VPS37A: variants seen among roughly 807,000 people sequenced by gnomAD.
VPS37A encodes the protein VPS37A subunit of ESCRT-I.
A neutral mutation model predicts 49.8 loss-of-function variants in VPS37A; 30 were observed. That is an observed-to-expected ratio of 0.60 (90% CI 0.45 to 0.82). The LOEUF (loss-of-function observed/expected upper bound fraction) is 0.82, where lower values mean the gene tolerates loss of function less well. VPS37A is among the 40% of genes least tolerant of loss of function. The pLI, the probability that VPS37A is intolerant of heterozygous loss-of-function variation, is 0.00. For synonymous variants in VPS37A, 195 were observed against 160.6 expected, an observed-to-expected ratio of 1.21 and a Z score of -1.62; for missense variants, 593 against 464.4, an observed-to-expected ratio of 1.28 and a Z score of -2.55.
At chr8:17,319,165 C>T in the VPS37A span, among the ~76,000 whole-genome samples, 2 of 152,216 alleles carry the variant, frequency 1.3e-5, no homozygotes, top group East Asian at 3.9e-4. Flanking sequence ...CAGAGGCAGA[C>T]ACAGCTGCAC....
rs74765669 is a variant in VPS37A, at chr8:17,278,605, G to C, written c.714-1423G>C. Among the ~76,000 whole-genome samples, 106 of 152,164 alleles carry C rather than the reference G, an allele frequency of 7.0e-4. 2 individuals are homozygous for C. The East Asian group carries it at 0.018, about 26-fold the overall frequency. On this transcript the variant is annotated intron_variant, in intron 6 of 11. Transcript: ENST00000324849. ...ATGAACATTTCTTCTCCCAGACCTA[G>C]AGTCAGCCATTTCTCTGAAGGGTGC...
chr8:17,274,828 C>G lies in VPS37A; in HGVS notation c.512C>G (p.Thr171Ser), dbSNP rs200401367. 227 of 1,614,032 alleles carry G rather than the reference C, an allele frequency of 1.4e-4. No individual in the cohort carries two copies. Among genetic ancestry groups the G allele is most frequent in the Non-Finnish European group, 1.8e-4 (210 of 1,180,030 alleles). The change falls in exon 5 of 12, where the codon ACT becomes AGT. Residue 171 changes from threonine (T) to serine (S), a missense_variant. Thr to Ser is a moderately conservative substitution (Grantham distance 58). Transcript: ENST00000324849. ...YPPQEANRSITSLSVADTVSS... is the reference protein window; with the variant it reads ...YPPQEANRSISSLSVADTVSS... Reference sequence around the variant, plus strand: ...CCACAAGAAGCAAACAGGAGTATCACTTCTTTATCTGTTGCTGACACTGTT... The same window carrying G: ...CCACAAGAAGCAAACAGGAGTATCAGTTCTTTATCTGTTGCTGACACTGTT...
At chr8:17,276,768 T>A (rs1442785937) in intron 6 of VPS37A, among the ~76,000 whole-genome samples, 2 of 152,136 alleles carry the variant, frequency 1.3e-5, no homozygotes, top group African/African-American at 4.8e-5. Context: ...GAATACATTA[T>A]TCCTGACAAT....
intron 11 of VPS37A, 37 bp from the exon 12 acceptor site, chr8:17,294,950 T>A (rs939573875): frequency 3.9e-5 from 6 of 152,342 alleles, no homozygotes; most frequent in Non-Finnish European, 7.3e-5. Context: ...TTCATCTTCT[T>A]AAATATTAGA....
At chr8:17,303,655 G>C (rs1024785599), downstream of VPS37A, among the ~76,000 whole-genome samples, 2 of 150,030 alleles carry the variant, frequency 1.3e-5, no homozygotes, top group African/African-American at 2.5e-5. Context: ...TGTTGCCCAG[G>C]CTGGAGTGCA....
At chr8:17,247,679 C>G (rs1024394338) in intron 1 of VPS37A, 5 of 702,978 alleles carry the variant, frequency 7.1e-6, no homozygotes, top group African/African-American at 5.2e-5. Context: ...CCCTTGCTGC[C>G]CAGGCTTCGC....
At chr8:17,271,987 C>T (rs1217163541) in intron 4 of VPS37A, 1 of 456,616 alleles carries the variant, frequency 2.2e-6, no homozygotes, top group East Asian at 6.9e-5. Flanking sequence ...TCACATTTTA[C>T]TACAGCCAGC....
the VPS37A span, among the ~76,000 whole-genome samples, chr8:17,329,616 G>A: frequency 6.6e-6 from 1 of 152,132 alleles, no homozygotes; most frequent in Non-Finnish European, 1.5e-5. Flanking sequence ...TGTTCTCCAG[G>A]TCATCTTATG....
intron 1 of VPS37A, among the ~76,000 whole-genome samples, chr8:17,249,556 G>C (rs1413296864): frequency 6.6e-6 from 1 of 152,118 alleles, no homozygotes; most frequent in East Asian, 1.9e-4. Flanking sequence ...ACTTAAGTAG[G>C]TCATATGCTT....
chr8:17,274,243 T>G (rs1163956551), intron 4 of VPS37A, among the ~76,000 whole-genome samples: 1 of 152,250 alleles, frequency 6.6e-6, no homozygotes, highest in Non-Finnish European at 1.5e-5. Context: ...TATTTCAACA[T>G]TTTAGAAGCT....
At chr8:17,306,863 T>C (rs1041615310), downstream of VPS37A, among the ~76,000 whole-genome samples, 24 of 152,276 alleles carry the variant, frequency 1.6e-4, no homozygotes, top group African/African-American at 5.1e-4. Flanking sequence ...GGATCCCTTC[T>C]TTGCACCTTA....
chr8:17,311,572 T>G, the VPS37A span: 2 of 1,613,900 alleles, frequency 1.2e-6, no homozygotes, highest in Non-Finnish European at 1.7e-6. Context: ...CGAGCACACC[T>G]GAGCGGTCCT....
chr8:17,317,340 C>T, the VPS37A span, among the ~76,000 whole-genome samples: 5 of 152,266 alleles, frequency 3.3e-5, no homozygotes, highest in South Asian at 2.1e-4. Context: ...CCTTTGTCTT[C>T]GATGTTTGTA....
chr8:17,281,377 A>G lies in VPS37A; in HGVS notation c.969+934A>G, dbSNP rs555719521. ...CCTAAGCAGTCCTCCTTCACAGAAA[A>G]TCTGTGAGACTCAACTGAAGTACTG... On this transcript the variant is annotated intron_variant, in intron 9 of 11. Coordinates refer to ENST00000324849, the MANE Select transcript of VPS37A (RefSeq NM_152415.3). Among the ~76,000 whole-genome samples the G allele has an allele frequency of 1.7e-4, 26 of 152,206 alleles. 1 individual carries two copies. In the South Asian group the frequency reaches 5.4e-3, roughly 31 times the overall value.
the VPS37A span, among the ~76,000 whole-genome samples, chr8:17,322,460 T>C: frequency 5.3e-5 from 8 of 152,212 alleles, no homozygotes; most frequent in Admixed American, 6.5e-5. Context: ...TGTACTATCC[T>C]AGGTTTAACA....
At chr8:17,279,912 T>G in intron 6 of VPS37A, 116 bp from the exon 7 acceptor site, 1 of 1,313,492 alleles carries the variant, frequency 7.6e-7, no homozygotes, top group Non-Finnish European at 1.1e-6. Context: ...TAGGTGTATA[T>G]GTAAAAATTA....
At position 17,295,112 on chromosome 8, in the gene VPS37A, T is replaced by C. The variant is rs951339503; in HGVS notation, c.*126T>C. 7.2e-5 allele frequency: 11 copies of C among 152,666 alleles called. No individual in the cohort carries two copies. The highest frequency in any genetic ancestry group is 2.7e-4 in the African/African-American group (11 of 41,468). The allele number at this position is 152,666 out of a possible 1,614,324, so 9.5% of individuals were successfully genotyped here. ...ATTCACAGATATCCTATATAGATTG[T>C]ATACAGAACTGAGACTGATTTTGTA... On this transcript the variant is annotated 3_prime_UTR_variant, in exon 12 of 12. Coordinates refer to ENST00000324849, the MANE Select transcript of VPS37A (RefSeq NM_152415.3).
At chr8:17,311,483 G>C in the VPS37A span, 1 of 1,613,854 alleles carries the variant, frequency 6.2e-7, no homozygotes, top group South Asian at 1.1e-5. Context: ...GGCACCGCCT[G>C]TGGGAATCGC....
intron 1 of VPS37A, among the ~76,000 whole-genome samples, chr8:17,249,947 T>C (rs1811818937): frequency 6.6e-6 from 1 of 152,146 alleles, no homozygotes; most frequent in South Asian, 2.1e-4. Context: ...ATGGTAATGG[T>C]AATAGACAGA....
Sources: allele counts gnomAD v4.1 joint callset (sites outside exome capture counted in the v4.1 genomes callset), GRCh38; gene constraint gnomAD v4.1.1; transcripts MANE v1.5; gene names NCBI Gene and HGNC (gene_info 2026-07-23, HGNC 2026-07-21).